MAPK9: variants seen among roughly 807,000 people sequenced by gnomAD.
MAPK9 encodes the protein mitogen-activated protein kinase 9.
MAPK9 carries 30 observed loss-of-function variants against 57.1 expected under a neutral mutation model. The observed-to-expected ratio is 0.53, with a 90% CI of 0.39 to 0.71. The LOEUF (loss-of-function observed/expected upper bound fraction) is 0.71, where lower values mean the gene tolerates loss of function less well. Among genes scored for constraint, MAPK9 ranks in the 30% least tolerant of loss-of-function variants. MAPK9 has a pLI of 0.00. For missense variants in MAPK9, 362 were observed against 521.0 expected, an observed-to-expected ratio of 0.69 and a Z score of 2.97; for synonymous variants, 155 against 177.0, an observed-to-expected ratio of 0.88 and a Z score of 0.99.
intron 2 of MAPK9, among the ~76,000 whole-genome samples, chr5:180,277,573 G>A (rs978177347): frequency 1.3e-5 from 2 of 152,136 alleles, no homozygotes; most frequent in Admixed American, 1.3e-4. Context: ...CAGGGATTAG[G>A]ACGTGGACAT....
rs1455184377 is a variant in MAPK9, at chr5:180,233,678, C to G, written c.*2706G>C. 1 of 152,182 alleles carries G rather than the reference C, an allele frequency of 6.6e-6. No individual in the cohort carries two copies. 9.4% of individuals were successfully genotyped at this position (152,182 alleles called of 1,614,324 possible). A position where few individuals can be genotyped will look rare whatever the true frequency, so the allele number is the denominator to read the frequency against. On this transcript the variant is annotated 3_prime_UTR_variant, in exon 12 of 12. Transcript: ENST00000452135. ...TTATTATAAAACATTAGCAATGTTA[C>G]TTTTGAGATATGCAATCTGAAAGGT...
At chr5:180,281,941 G>T (rs765106129) in intron 1 of MAPK9, among the ~76,000 whole-genome samples, 1 of 152,192 alleles carries the variant, frequency 6.6e-6, no homozygotes, top group Non-Finnish European at 1.5e-5. Flanking sequence ...CCGCACCGCA[G>T]GAGTCTCAGT....
At chr5:180,265,057 G>A (rs1384383164) in intron 3 of MAPK9, among the ~76,000 whole-genome samples, 1 of 152,098 alleles carries the variant, frequency 6.6e-6, no homozygotes, top group Non-Finnish European at 1.5e-5. Context: ...TGTGTCCCTA[G>A]TAACTTAATT....
chr5:180,264,908 T>C (rs1272150060), intron 3 of MAPK9, 69 bp from the exon 4 acceptor site: 8 of 1,271,060 alleles, frequency 6.3e-6, no homozygotes, highest in Non-Finnish European at 8.5e-6. Context: ...AGTTTAATAT[T>C]GAAATGCATT....
chr5:180,280,544 A>G lies in MAPK9; in HGVS notation c.18T>C (p.Cys6=), dbSNP rs1199063960. 1 of 1,614,092 alleles carries G rather than the reference A, an allele frequency of 6.2e-7. No individual in the cohort carries two copies. Residue 6 remains cysteine (C), a synonymous_variant, in exon 2 of 12, where the codon TGT becomes TGC. Transcript: ENST00000452135. The part of the protein sequence containing the change: MSDSK[C]DSQFYSVQVA... The stretch of plus-strand genomic sequence containing the variant: ...CTTGCACACTATAAAACTGACTGTC[A>G]CATTTACTGTCGCTCATGATGCAGC...
chr5:180,275,165 A>T (rs34998503), intron 2 of MAPK9, among the ~76,000 whole-genome samples: 7 of 152,132 alleles, frequency 4.6e-5, no homozygotes, highest in South Asian at 2.1e-4. Context: ...TCATGTTGTC[A>T]TATCTCCTTG....
Position 180,236,400 on chromosome 5 carries a change from A to G in MAPK9, c.1259T>C (p.Leu420Pro). Residue 420 changes from leucine to proline, a missense_variant, in exon 12 of 12, where the codon CTT becomes CCT. Leu to Pro is a moderately conservative substitution (Grantham distance 98). This residue lies in a region of MAPK9 where 199 missense variants were observed against 251.3 expected (regional missense o/e 0.79). Coordinates refer to ENST00000452135, the MANE Select transcript of MAPK9 (RefSeq NM_002752.5). ...TCTAACCTATCATCGACAGCCTTCA[A>G]GGGGTCCCGTCGAGGCATCAAGACT... ...DSSLDASTGP[L>P]EGCR 2 of 1,612,192 alleles carry G rather than the reference A, an allele frequency of 1.2e-6. No homozygotes were observed. Among genetic ancestry groups the G allele is most frequent in the Non-Finnish European group, 1.7e-6 (2 of 1,178,600 alleles).
intron 10 of MAPK9, among the ~76,000 whole-genome samples, chr5:180,238,608 C>CTTTT (rs746336177): frequency 4.7e-3 from 398 of 85,148 alleles, no homozygotes; most frequent in Non-Finnish European, 6.9e-3. Context: ...TCTTCTTCTT[C>CTTTT]TTTTTTTTTT....
At chr5:180,280,002 T>C (rs1169869818) in intron 2 of MAPK9, 1 of 456,852 alleles carries the variant, frequency 2.2e-6, no homozygotes, top group African/African-American at 2.0e-5. Context: ...GGCCTCATCC[T>C]GCCAATGAAT....
chr5:180,267,538 G>T (rs1343298042), intron 3 of MAPK9, among the ~76,000 whole-genome samples: 1 of 147,600 alleles, frequency 6.8e-6, no homozygotes, highest in Admixed American at 6.8e-5. Context: ...CTCCAGGTTG[G>T]GCGACAGAGC....
chr5:180,246,302 G>A (rs1043576775), intron 7 of MAPK9: 2 of 152,108 alleles, frequency 1.3e-5, no homozygotes, highest in African/African-American at 2.4e-5. Context: ...TATGGAAACT[G>A]CTAGAAAATT....
At chr5:180,260,863 T>C (rs962802898) in intron 5 of MAPK9, among the ~76,000 whole-genome samples, 2 of 152,226 alleles carry the variant, frequency 1.3e-5, no homozygotes, top group African/African-American at 4.8e-5. Context: ...ATCTTTCTTT[T>C]TTATGAAAAA....
intron 2 of MAPK9, among the ~76,000 whole-genome samples, chr5:180,272,764 T>TA (rs1157493325): frequency 1.3e-5 from 2 of 152,272 alleles, no homozygotes; most frequent in African/African-American, 4.8e-5. Context: ...CAGTTGTTTT[T>TA]AGTTTTCAAT....
At chr5:180,252,886 C>T (rs1758859456) in intron 5 of MAPK9, among the ~76,000 whole-genome samples, 1 of 151,178 alleles carries the variant, frequency 6.6e-6, no homozygotes, top group Admixed American at 6.6e-5. Flanking sequence ...GGGTGTCCCA[C>T]TAACCTCTGT....
At chr5:180,282,311 G>A (rs773027026) in intron 1 of MAPK9, among the ~76,000 whole-genome samples, 10 of 152,180 alleles carry the variant, frequency 6.6e-5, no homozygotes, top group Non-Finnish European at 1.0e-4. Context: ...CTTTATGCAC[G>A]AAAGTGGTAA....
intron 3 of MAPK9, among the ~76,000 whole-genome samples, chr5:180,267,890 T>C (rs940184077): frequency 6.6e-6 from 1 of 151,986 alleles, no homozygotes; most frequent in Non-Finnish European, 1.5e-5. Flanking sequence ...TGAGACGGAG[T>C]CTCGCTCTGT....
rs35600252 is a variant in MAPK9, at chr5:180,265,078, T to G, written c.253-239A>C. ...CCTAGTAACTTAATTATTACAGAATTTAAACACATAATGTCTTTTTGAACA... is the reference window on the plus strand; with the variant it reads ...CCTAGTAACTTAATTATTACAGAATGTAAACACATAATGTCTTTTTGAACA... On this transcript the variant is annotated intron_variant, in intron 3 of 11. Transcript: ENST00000452135. Among the ~76,000 whole-genome samples the G allele has an allele frequency of 1.7e-3, 265 of 152,338 alleles. 1 individual carries two copies. The highest frequency in any genetic ancestry group is 6.2e-3 in the African/African-American group (257 of 41,570).
intron 7 of MAPK9, among the ~76,000 whole-genome samples, chr5:180,245,375 T>A (rs1758004277): frequency 6.6e-6 from 1 of 152,172 alleles, no homozygotes; most frequent in Non-Finnish European, 1.5e-5. Flanking sequence ...CCCTTGACGA[T>A]CCACCCTCAA....
chr5:180,270,058 T>G (rs1761111803), intron 2 of MAPK9, among the ~76,000 whole-genome samples: 1 of 152,218 alleles, frequency 6.6e-6, no homozygotes, highest in Non-Finnish European at 1.5e-5. Context: ...CCTGTTGAAA[T>G]TCTGTTCATT....
Sources: gnomAD v4.1 joint callset for allele counts (sites outside exome capture counted in the v4.1 genomes callset) on GRCh38, gnomAD v4.1.1 for gene constraint, gnomAD v4.1.1 regional missense constraint, MANE v1.5 for transcripts, NCBI Gene and HGNC (gene_info 2026-07-23, HGNC 2026-07-21) for gene names.